Variants in DEPDC1B observed in about 807,000 individuals in gnomAD.
DEPDC1B encodes the protein DEP domain containing 1B.
DEPDC1B carries 51 observed loss-of-function variants against 66.5 expected under a neutral mutation model. The observed-to-expected ratio is 0.77, with a 90% CI of 0.61 to 0.97. The LOEUF (loss-of-function observed/expected upper bound fraction) is 0.97, where lower values mean the gene tolerates loss of function less well. DEPDC1B is among the 50% of genes least tolerant of loss of function. The pLI is 0.00. For synonymous variants in DEPDC1B, 226 were observed against 223.6 expected (o/e 1.01, Z -0.10); for missense variants, 552 against 637.1 (o/e 0.87, Z 1.44).
chr5:60,636,383 ACAAG>A lies in DEPDC1B; in HGVS notation c.898+2363_898+2366del, dbSNP rs995269931. On this transcript the variant is annotated intron_variant, in intron 7 of 10. Transcript: ENST00000265036. ...CTTTGCCACCAAGCCCAACCGTGCCACAAGCAAAGGAAGAAACCTCAAAAGAAGT... is the reference window on the plus strand; with the variant it reads ...CTTTGCCACCAAGCCCAACCGTGCCACAAAGGAAGAAACCTCAAAAGAAGT... Among the ~76,000 whole-genome samples the A allele has an allele frequency of 1.2e-3, 190 of 152,350 alleles. 1 individual carries two copies. The highest frequency in any genetic ancestry group is 4.5e-3 in the African/African-American group (186 of 41,588).
intron 7 of DEPDC1B, among the ~76,000 whole-genome samples, chr5:60,637,212 T>C (rs1358357682): frequency 1.3e-5 from 2 of 152,144 alleles, no homozygotes; most frequent in African/African-American, 2.4e-5. Context: ...TAATCTCCAG[T>C]GTTCGAGGTG....
rs180971235 is a variant in DEPDC1B at position 60,625,986 on chromosome 5, T to C, written c.898+12764A>G. On this transcript the variant is annotated intron_variant, in intron 7 of 10. Transcript: ENST00000265036. ...TCCTAAAGTCAAATTTAGTTATTTT[T>C]TCTTGCTTGTTCTTTTTTTTATGGG... Among the ~76,000 whole-genome samples the C allele has an allele frequency of 3.5e-3, 532 of 152,318 alleles. 16 individuals carry two copies. The highest frequency in any genetic ancestry group is 7.9e-3 in the East Asian group (41 of 5,188).
intron 1 of DEPDC1B, among the ~76,000 whole-genome samples, chr5:60,687,496 A>G (rs1489028862): frequency 6.6e-6 from 1 of 151,858 alleles, no homozygotes; most frequent in Non-Finnish European, 1.5e-5. Context: ...GTTTTATATT[A>G]TATATATTTT....
At chr5:60,646,640 C>T (rs995727969) in intron 3 of DEPDC1B, among the ~76,000 whole-genome samples, 14 of 152,268 alleles carry the variant, frequency 9.2e-5, no homozygotes, top group South Asian at 2.1e-4. Context: ...ATTCCCTGAA[C>T]GAGGTGTCCT....
chr5:60,657,156 C>T (rs1201529274), intron 2 of DEPDC1B, among the ~76,000 whole-genome samples: 2 of 152,130 alleles, frequency 1.3e-5, no homozygotes, highest in African/African-American at 4.8e-5. Flanking sequence ...CTTTTTCTAC[C>T]CCGTTACCTT....
intron 7 of DEPDC1B, among the ~76,000 whole-genome samples, chr5:60,619,080 T>A (rs1028894303): frequency 1.3e-5 from 2 of 152,082 alleles, no homozygotes; most frequent in Non-Finnish European, 1.5e-5. Context: ...CTTTGACAAA[T>A]TTCAACAGCC....
rs144073932 is a variant in DEPDC1B at position 60,692,118 on chromosome 5, G to A, written c.49-4891C>T. 2.8e-3 allele frequency among the ~76,000 whole-genome samples: 427 copies of A among 152,268 alleles called. 8 individuals carry two copies. Among genetic ancestry groups the A allele is most frequent in the Middle Eastern group, 0.027 (8 of 294 alleles). On this transcript the variant is annotated intron_variant, in intron 1 of 10. Coordinates refer to ENST00000265036, the MANE Select transcript of DEPDC1B (RefSeq NM_018369.3). ...AAATAATGCCTATTCTCATTTATACGTGGAATCTAAAACAATTGAGTTCAA... is the reference window on the plus strand; with the variant it reads ...AAATAATGCCTATTCTCATTTATACATGGAATCTAAAACAATTGAGTTCAA...
intron 7 of DEPDC1B, among the ~76,000 whole-genome samples, chr5:60,612,864 A>C (rs1752451539): frequency 6.6e-6 from 1 of 152,188 alleles, no homozygotes; most frequent in African/African-American, 2.4e-5. Context: ...TGAATACTCT[A>C]AGGATGTCAA....
intron 1 of DEPDC1B, among the ~76,000 whole-genome samples, chr5:60,691,345 C>T (rs1037115417): frequency 2.0e-5 from 3 of 152,166 alleles, no homozygotes; most frequent in Admixed American, 6.5e-5. Context: ...TGAGCCACCA[C>T]ACCCAGCACT....
chr5:60,633,647 A>T (rs867830114), intron 7 of DEPDC1B, among the ~76,000 whole-genome samples: 10 of 152,188 alleles, frequency 6.6e-5, no homozygotes, highest in South Asian at 4.1e-4. Flanking sequence ...TGAGACCTGA[A>T]GAGCTGCCCA....
chr5:60,697,954 T>A (rs1036608573), intron 1 of DEPDC1B, among the ~76,000 whole-genome samples: 2 of 152,166 alleles, frequency 1.3e-5, no homozygotes, highest in Non-Finnish European at 2.9e-5. Flanking sequence ...ATATGGACCC[T>A]CTGCATCCAT....
chr5:60,653,239 G>A lies in DEPDC1B; in HGVS notation c.315-5706C>T, dbSNP rs190895331. Among the ~76,000 whole-genome samples, 189 of 149,310 alleles carry A rather than the reference G, an allele frequency of 1.3e-3. 3 individuals are homozygous for A. Among genetic ancestry groups the A allele is most frequent in the Non-Finnish European group, 1.5e-3 (105 of 67,906 alleles). ...TTACATTCCCACCAGCAGTCTAAACGTGTTCCTTTTTTGCCACATCCATTT... is the reference window on the plus strand; with the variant it reads ...TTACATTCCCACCAGCAGTCTAAACATGTTCCTTTTTTGCCACATCCATTT... On this transcript the variant is annotated intron_variant, in intron 2 of 10. Transcript: ENST00000265036.
chr5:60,689,635 A>C (rs1270216247), intron 1 of DEPDC1B, among the ~76,000 whole-genome samples: 3 of 152,152 alleles, frequency 2.0e-5, no homozygotes, highest in Non-Finnish European at 4.4e-5. Context: ...CTAGAAAAGA[A>C]TCTCATAAGT....
intron 2 of DEPDC1B, among the ~76,000 whole-genome samples, chr5:60,653,727 T>TTCATGTGTTTGTGGTCTATCTTGG (rs1347538333): frequency 6.6e-6 from 1 of 150,460 alleles, no homozygotes; most frequent in Non-Finnish European, 1.5e-5. Flanking sequence ...CTGCGATTTT[T>TTCATGTGTTTGTGGTCTATCTTGG]ATGATTTCAG....
chr5:60,638,627 T>C (rs1753114355), intron 7 of DEPDC1B, 123 bp downstream of exon 7: 11 of 995,336 alleles, frequency 1.1e-5, no homozygotes, highest in South Asian at 3.9e-5. Flanking sequence ...CTATGCCAAA[T>C]ACTCTATCAG....
chr5:60,623,813 G>A (rs1183925364), intron 7 of DEPDC1B, among the ~76,000 whole-genome samples: 2 of 152,034 alleles, frequency 1.3e-5, no homozygotes, highest in Non-Finnish European at 2.9e-5. Flanking sequence ...ATTAGGTTGG[G>A]TTTTTTGGGG....
intron 2 of DEPDC1B, among the ~76,000 whole-genome samples, chr5:60,683,100 C>T (rs915589213): frequency 6.6e-6 from 1 of 152,102 alleles, no homozygotes; most frequent in Non-Finnish European, 1.5e-5. Flanking sequence ...ACAATAATCA[C>T]ATGGGATATA....
chr5:60,676,442 A>G (rs1472830073), intron 2 of DEPDC1B, among the ~76,000 whole-genome samples: 1 of 152,124 alleles, frequency 6.6e-6, no homozygotes, highest in Non-Finnish European at 1.5e-5. Flanking sequence ...AGTAGCTAAG[A>G]CTACAGGCGC....
At chr5:60,678,461 T>G (rs1481983115) in intron 2 of DEPDC1B, among the ~76,000 whole-genome samples, 2 of 152,208 alleles carry the variant, frequency 1.3e-5, no homozygotes, top group African/African-American at 4.8e-5. Context: ...GTCAATGTAC[T>G]TATTAACTTT....
Sources: gnomAD v4.1 joint callset for allele counts (sites outside exome capture counted in the v4.1 genomes callset) on GRCh38, gnomAD v4.1.1 for gene constraint, MANE v1.5 for transcripts, NCBI Gene and HGNC (gene_info 2026-07-23, HGNC 2026-07-21) for gene names.